The following CYSLTR1 variants were observed in gnomAD, a reference collection of about 807,000 sequenced individuals.
CYSLTR1 encodes cysteinyl leukotriene receptor 1, also known as G-protein coupled receptor HG55.
In CYSLTR1, 1 loss-of-function variant was observed where a neutral mutation model predicts 2.1. The ratio of observed to expected loss-of-function variants is 0.48; its 90% confidence interval spans 0.17 to 2.28. CYSLTR1 has a LOEUF of 2.28. Among genes scored for constraint, CYSLTR1 ranks in the 30% most tolerant of loss-of-function variants. The pLI, the probability that CYSLTR1 is intolerant of heterozygous loss-of-function variation, is 0.26. For missense variants in CYSLTR1, 299 were observed against 250.1 expected, an observed-to-expected ratio of 1.20 and a Z score of -1.32; for synonymous variants, 110 against 89.6, an observed-to-expected ratio of 1.23 and a Z score of -1.28.
At chrX:78,310,067 G>A (rs1394866382) in intron 1 of CYSLTR1, among the ~76,000 whole-genome samples, 1 of 111,779 alleles carries the variant, frequency 8.9e-6, no homozygotes, top group Non-Finnish European at 1.9e-5. Context: ...TAATTTTCTT[G>A]TTTATCTTCT....
At chrX:78,327,049 C>T (rs1402212808) in intron 1 of CYSLTR1, among the ~76,000 whole-genome samples, 24 of 111,578 alleles carry the variant, frequency 2.2e-4, no homozygotes, top group Admixed American at 2.1e-3. Context: ...AGGAGGTTTG[C>T]GGAGTGTGTC....
intron 1 of CYSLTR1, among the ~76,000 whole-genome samples, chrX:78,304,661 C>G (rs1244404335): frequency 9.0e-6 from 1 of 110,799 alleles, no homozygotes; most frequent in South Asian, 3.9e-4. Context: ...TTATTGGGGT[C>G]TAAAGGAACT....
At chrX:78,275,172 G>A (rs779042637) in intron 2 of CYSLTR1, among the ~76,000 whole-genome samples, 1,314 of 112,041 alleles carry the variant, frequency 0.012, 9 homozygotes, top group Non-Finnish European at 0.019. Flanking sequence ...ACAGTGTGGC[G>A]ATTCCTCAAG....
chrX:78,309,966 C>T (rs1923160520), intron 1 of CYSLTR1, among the ~76,000 whole-genome samples: 1 of 112,166 alleles, frequency 8.9e-6, no homozygotes, highest in African/African-American at 3.2e-5. Flanking sequence ...CAAAGGACTG[C>T]ACAAAAGGCA....
In CYSLTR1 at chrX:78,286,337, A is replaced by G. The variant is rs1922072064; in HGVS notation, c.-114-2797T>C. On this transcript the variant is annotated intron_variant, in intron 1 of 2. Coordinates refer to ENST00000373304, the MANE Select transcript of CYSLTR1 (RefSeq NM_006639.4). The stretch of plus-strand genomic sequence containing the variant: ...CATTATATAGATATACAAATTGTTT[A>G]TACATTTACTCACTGATGGACATAT... Among the ~76,000 whole-genome samples, 4 of 111,622 alleles carry G rather than the reference A, an allele frequency of 3.6e-5. No homozygotes were observed. The Admixed American group carries it at 3.8e-4, about 11-fold the overall frequency.
At chrX:78,299,375 CCAGT>C (rs1922716593) in intron 1 of CYSLTR1, among the ~76,000 whole-genome samples, 1 of 111,272 alleles carries the variant, frequency 9.0e-6, no homozygotes, top group Non-Finnish European at 1.9e-5. Flanking sequence ...CTTACTATTA[CCAGT>C]AAGTTTTGTA....
At chrX:78,286,028 C>T (rs1460348827) in intron 1 of CYSLTR1, among the ~76,000 whole-genome samples, 2 of 112,056 alleles carry the variant, frequency 1.8e-5, no homozygotes, top group African/African-American at 6.5e-5. Flanking sequence ...TTCAGGTTAA[C>T]AAATATTTAA....
chrX:78,279,453 G>C (rs1400468632), intron 2 of CYSLTR1, among the ~76,000 whole-genome samples: 1 of 111,466 alleles, frequency 9.0e-6, no homozygotes, highest in African/African-American at 3.3e-5. Context: ...AAAAATAATA[G>C]ATGTCGGCGA....
chrX:78,286,409 A>G (rs973422769), intron 1 of CYSLTR1, among the ~76,000 whole-genome samples: 2 of 112,175 alleles, frequency 1.8e-5, no homozygotes, highest in Non-Finnish European at 3.8e-5. Flanking sequence ...TTCCACAAAC[A>G]TTTATGTACA....
intron 1 of CYSLTR1, chrX:78,319,252 T>C (rs1230038642): frequency 2.2e-5 from 2 of 90,706 alleles, no homozygotes; most frequent in African/African-American, 8.1e-5. Flanking sequence ...CTCTTAATGC[T>C]ATCCCTCCCC....
rs1015866556 is a variant in CYSLTR1, at chrX:78,271,500, G to A, written c.*1233C>T. Reference sequence around the variant, plus strand: ...TTTATAGTTATTTATTTCTTCTGAGGTAAGTTACTTTTTAAAAAACAAACT... The same window carrying A: ...TTTATAGTTATTTATTTCTTCTGAGATAAGTTACTTTTTAAAAAACAAACT... On this transcript the variant is annotated 3_prime_UTR_variant, in exon 3 of 3. Transcript: ENST00000373304. The A allele has an allele frequency of 2.7e-5, 3 of 111,070 alleles. No individual in the cohort carries two copies. The highest frequency in any genetic ancestry group is 9.8e-5 in the African/African-American group (3 of 30,603). 9.2% of individuals were successfully genotyped at this position (111,070 alleles called of 1,213,427 possible). A position where few individuals can be genotyped will look rare whatever the true frequency, so the allele number is the denominator to read the frequency against.
chrX:78,302,956 G>T (rs1350994317), intron 1 of CYSLTR1, among the ~76,000 whole-genome samples: 1 of 111,320 alleles, frequency 9.0e-6, no homozygotes, highest in Non-Finnish European at 1.9e-5. Flanking sequence ...CACCCCCAAG[G>T]TCCACTGTTT....
intron 1 of CYSLTR1, among the ~76,000 whole-genome samples, chrX:78,299,487 T>C (rs752925823): frequency 9.0e-6 from 1 of 110,798 alleles, no homozygotes; most frequent in African/African-American, 3.3e-5. Flanking sequence ...GATAATAAAA[T>C]TTCTCAGTTT....
chrX:78,288,459 C>T (rs1002334367), intron 1 of CYSLTR1, among the ~76,000 whole-genome samples: 2 of 110,767 alleles, frequency 1.8e-5, no homozygotes, highest in African/African-American at 6.6e-5. Flanking sequence ...CATTTCTCTT[C>T]TTTGAAATGC....
intron 1 of CYSLTR1, among the ~76,000 whole-genome samples, chrX:78,291,081 T>C (rs1441157611): frequency 8.9e-6 from 1 of 111,998 alleles, no homozygotes; most frequent in East Asian, 2.8e-4. Flanking sequence ...CAGTATGATA[T>C]TGGCTGTCAG....
chrX:78,305,842 A>G (rs1368179018), intron 1 of CYSLTR1, among the ~76,000 whole-genome samples: 1 of 112,985 alleles, frequency 8.9e-6, no homozygotes, highest in African/African-American at 3.2e-5. Flanking sequence ...GATTATATTC[A>G]ATTTTATGCA....
chrX:78,307,097 T>C (rs1774619918), intron 1 of CYSLTR1, among the ~76,000 whole-genome samples: 1 of 112,383 alleles, frequency 8.9e-6, no homozygotes, highest in Non-Finnish European at 1.9e-5. Flanking sequence ...TAGTTTTCTA[T>C]AGTGTAACAA....
intron 1 of CYSLTR1, among the ~76,000 whole-genome samples, chrX:78,316,557 C>T (rs1313348795): frequency 8.9e-6 from 1 of 111,920 alleles, no homozygotes; most frequent in South Asian, 3.7e-4. Flanking sequence ...AGGAGCGAGG[C>T]TGGCCTTGCC....
intron 1 of CYSLTR1, among the ~76,000 whole-genome samples, chrX:78,292,188 C>G (rs1250203290): frequency 1.8e-5 from 2 of 112,078 alleles, no homozygotes; most frequent in Non-Finnish European, 3.8e-5. Context: ...TCATTGGTTT[C>G]AAAGAACATC....
Sources: gnomAD v4.1 joint callset for allele counts (sites outside exome capture counted in the v4.1 genomes callset) on GRCh38, gnomAD v4.1.1 for gene constraint, MANE v1.5 for transcripts, NCBI Gene and HGNC (gene_info 2026-07-23, HGNC 2026-07-21) for gene names.